The following CACNA1E variants were observed in gnomAD, a reference collection of about 807,000 sequenced individuals.
CACNA1E encodes the protein voltage-dependent R-type calcium channel subunit alpha-1E.
Under a neutral mutation model 259.2 loss-of-function variants are expected in CACNA1E, and 40 were observed. The ratio of observed to expected loss-of-function variants is 0.15; its 90% CI spans 0.12 to 0.20. The LOEUF (loss-of-function observed/expected upper bound fraction) is 0.20. Among genes scored for constraint, CACNA1E ranks in the 10% least tolerant of loss-of-function variants. The pLI is 1.00. For synonymous variants in CACNA1E, 1,104 were observed against 1,138.5 expected (o/e 0.97, Z 0.61); for missense variants, 1,874 against 3,040.1 (o/e 0.62, Z 9.02).
rs572340056 is a variant in CACNA1E, at chr1:181,662,408, C to T, written c.1055+10967C>T. ...CTCCCTGTCTGGGGTGCTTTTTCCTCCATGCCCTATGTATAGCCTAGTAGT... is the reference window on the plus strand; with the variant it reads ...CTCCCTGTCTGGGGTGCTTTTTCCTTCATGCCCTATGTATAGCCTAGTAGT... On this transcript the variant is annotated intron_variant, in intron 7 of 47. Coordinates refer to ENST00000367573, the MANE Select transcript of CACNA1E (RefSeq NM_001205293.3). Among the ~76,000 whole-genome samples the T allele has an allele frequency of 9.5e-4, 144 of 152,262 alleles. 1 individual carries two copies. Among genetic ancestry groups the T allele is most frequent in the African/African-American group, 3.4e-3 (142 of 41,556 alleles).
At chr1:181,712,441 T>C (rs1653465631) in intron 8 of CACNA1E, among the ~76,000 whole-genome samples, 1 of 152,148 alleles carries the variant, frequency 6.6e-6, no homozygotes, top group Non-Finnish European at 1.5e-5. Flanking sequence ...AGCCTTATTC[T>C]TCTGTAGGAG....
intron 3 of CACNA1E, among the ~76,000 whole-genome samples, chr1:181,544,754 C>A (rs928737148): frequency 3.3e-5 from 5 of 152,296 alleles, no homozygotes; most frequent in Non-Finnish European, 5.9e-5. Context: ...AGCAGGCTGA[C>A]CCCGGAGGGT....
chr1:181,784,573 T>G, intron 40 of CACNA1E, 88 bp from the exon 41 acceptor site: 1 of 812,266 alleles, frequency 1.2e-6, no homozygotes, highest in East Asian at 2.7e-5. Context: ...TGAGGTGCCC[T>G]GCTGATTCAG....
chr1:181,486,923 A>T (rs1663872281), intron 1 of CACNA1E, among the ~76,000 whole-genome samples: 1 of 152,184 alleles, frequency 6.6e-6, no homozygotes, highest in Admixed American at 6.5e-5. Context: ...GCCCCACTTC[A>T]ATCCTGCTGA....
intron 3 of CACNA1E, among the ~76,000 whole-genome samples, chr1:181,555,174 C>T (rs1481935605): frequency 2.0e-5 from 3 of 152,148 alleles, no homozygotes; most frequent in Non-Finnish European, 4.4e-5. Context: ...AATTTATCCT[C>T]CCCCTTTTAG....
intron 6 of CACNA1E, among the ~76,000 whole-genome samples, chr1:181,616,738 C>CA (rs373750849): frequency 1.3e-3 from 196 of 148,454 alleles, no homozygotes; most frequent in African/African-American, 4.0e-3. Context: ...AACAAACAAA[C>CA]AAAAAAAAAG....
chr1:181,501,179 T>C (rs2102564091), intron 1 of CACNA1E, among the ~76,000 whole-genome samples: 1 of 152,354 alleles, frequency 6.6e-6, no homozygotes, highest in South Asian at 2.1e-4. Context: ...GTGTGTTGAA[T>C]GACAGCGTTT....
intron 2 of CACNA1E, among the ~76,000 whole-genome samples, chr1:181,450,820 C>T (rs1158524936): frequency 6.6e-6 from 1 of 152,182 alleles, no homozygotes; most frequent in Non-Finnish European, 1.5e-5. Flanking sequence ...GGACCAGCAT[C>T]AGGGAGACCC....
chr1:181,719,952 C>G, intron 13 of CACNA1E, 89 bp downstream of exon 13: 1 of 828,808 alleles, frequency 1.2e-6, no homozygotes, highest in Non-Finnish European at 1.9e-6. Context: ...TCTCTTTCCC[C>G]CTTAGGGGGA....
chr1:181,623,687 T>TTGTA (rs1655931824), intron 6 of CACNA1E, among the ~76,000 whole-genome samples: 1 of 152,248 alleles, frequency 6.6e-6, no homozygotes, highest in African/African-American at 2.4e-5. Flanking sequence ...TTACACTATA[T>TTGTA]TGTAGTCTAT....
rs375820941 is a variant in CACNA1E at position 181,653,240 on chromosome 1, C to A, written c.1055+1799C>A. Among the ~76,000 whole-genome samples, 8 of 152,184 alleles carry A rather than the reference C, an allele frequency of 5.3e-5. No homozygotes were observed. The South Asian group carries it at 8.3e-4, about 16-fold the overall frequency. ...AGTTTGGCTGTGTCCCCACCCAAAT[C>A]TCATCTTGAATTGTAGCTCCCACAA... On this transcript the variant is annotated intron_variant, in intron 7 of 47. Transcript: ENST00000367573.
chr1:181,727,373 G>A (rs906407704), intron 18 of CACNA1E, among the ~76,000 whole-genome samples: 3 of 152,188 alleles, frequency 2.0e-5, no homozygotes, highest in African/African-American at 7.2e-5. Context: ...AGTGGGTGCC[G>A]GTGCTACATA....
Position 181,353,778 on chromosome 1 carries a change from T to G in CACNA1E, c.-15+35655T>G, listed in dbSNP as rs118073954. ...AGGGATGAGTGGGAACATAGATAGA[T>G]TCTACCTCCTGAAAGAGGGAGTGCT... On this transcript the variant is annotated intron_variant, in intron 1 of 11. Transcript: ENST00000524607. 5.2e-4 allele frequency among the ~76,000 whole-genome samples: 79 copies of G among 152,312 alleles called. No individual in the cohort carries two copies. The East Asian group carries it at 0.014, about 27-fold the overall frequency.
At chr1:181,431,425 A>G (rs932512714) in intron 2 of CACNA1E, among the ~76,000 whole-genome samples, 2 of 152,212 alleles carry the variant, frequency 1.3e-5, no homozygotes, top group African/African-American at 4.8e-5. Flanking sequence ...TGGCATTGGT[A>G]TATTCCAGGG....
At chr1:181,647,779 C>T (rs1161687219) in intron 6 of CACNA1E, among the ~76,000 whole-genome samples, 2 of 152,170 alleles carry the variant, frequency 1.3e-5, no homozygotes, top group Non-Finnish European at 2.9e-5. Context: ...AGCCTGCTTC[C>T]TGCCGAGGTG....
intron 2 of CACNA1E, among the ~76,000 whole-genome samples, chr1:181,450,734 G>T (rs889721638): frequency 6.6e-6 from 1 of 152,144 alleles, no homozygotes; most frequent in Admixed American, 6.5e-5. Context: ...AACAATTGTA[G>T]AATAGTTTCA....
intron 3 of CACNA1E, among the ~76,000 whole-genome samples, chr1:181,528,923 T>C (rs1196942629): frequency 6.6e-6 from 1 of 152,214 alleles, no homozygotes; most frequent in East Asian, 1.9e-4. Context: ...AACCCATTTT[T>C]TGAGGAGAAA....
In CACNA1E at chr1:181,662,733, T is replaced by C. The variant is rs78457206; in HGVS notation, c.1055+11292T>C. Among the ~76,000 whole-genome samples, 389 of 152,296 alleles carry C rather than the reference T, an allele frequency of 2.6e-3. 1 individual carries two copies. The highest frequency in any genetic ancestry group is 8.9e-3 in the African/African-American group (369 of 41,556). ...GGTGGGGCTGGGAAAGAGCCATTCT[T>C]ACCTACCAAGTACTCCCATTGAGTC... On this transcript the variant is annotated intron_variant, in intron 7 of 47. Transcript: ENST00000367573.
At chr1:181,336,927 T>C (rs1651753850) in intron 1 of CACNA1E, among the ~76,000 whole-genome samples, 1 of 109,138 alleles carries the variant, frequency 9.2e-6, no homozygotes, top group African/African-American at 3.6e-5. Context: ...ATCTATATAA[T>C]GTCATATCTA....
Sources: gnomAD v4.1 joint callset for allele counts (sites outside exome capture counted in the v4.1 genomes callset) on GRCh38, gnomAD v4.1.1 for gene constraint, MANE v1.5 for transcripts, NCBI Gene and HGNC (gene_info 2026-07-23, HGNC 2026-07-21) for gene names.